NPAS3: variants seen among roughly 807,000 people sequenced by gnomAD.
NPAS3 encodes neuronal PAS domain protein 3, also known as neuronal PAS domain-containing protein 3.
A neutral mutation model predicts 73.1 loss-of-function variants in NPAS3; 14 were observed. The ratio of observed to expected loss-of-function variants is 0.19; its 90% CI spans 0.13 to 0.30. NPAS3 has a LOEUF of 0.30. Among genes scored for constraint, NPAS3 ranks in the 10% least tolerant of loss-of-function variants. NPAS3 has a pLI of 1.00. For synonymous variants in NPAS3, 620 were observed against 541.5 expected (o/e 1.14, Z -2.01); for missense variants, 1,096 against 1,250.0 (o/e 0.88, Z 1.86).
intron 3 of NPAS3, among the ~76,000 whole-genome samples, chr14:33,308,316 C>G (rs1389105197): frequency 6.6e-6 from 1 of 151,868 alleles, no homozygotes; most frequent in African/African-American, 2.4e-5. Context: ...AAACCAAACA[C>G]TTTTTGGTCT....
chr14:33,506,363 T>C (rs1318517476), intron 4 of NPAS3, among the ~76,000 whole-genome samples: 1 of 139,732 alleles, frequency 7.2e-6, no homozygotes, highest in African/African-American at 2.6e-5. Flanking sequence ...TATATGACTT[T>C]CTGCAATTTG....
intron 2 of NPAS3, among the ~76,000 whole-genome samples, chr14:33,067,921 T>G (rs2041335911): frequency 6.6e-6 from 1 of 152,240 alleles, no homozygotes; most frequent in Non-Finnish European, 1.5e-5. Flanking sequence ...CTCTCTTGTC[T>G]CAAATATTCT....
At position 33,271,694 on chromosome 14, in the gene NPAS3, C is replaced by T. The variant is rs190230765; in HGVS notation, c.385+56268C>T. ...CTCCCTGGTTTGCTTGCTCTACCAT[C>T]TGGTTCCACACTTACTAGAGCAGTA... is the stretch of plus-strand genomic sequence containing the variant. On this transcript the variant is annotated intron_variant, in intron 3 of 11. Transcript: ENST00000356141. Among the ~76,000 whole-genome samples the T allele has an allele frequency of 1.3e-3, 193 of 152,270 alleles. 3 individuals are homozygous for T. The highest frequency in any genetic ancestry group is 4.4e-3 in the African/African-American group (183 of 41,568).
chr14:33,131,576 A>G (rs2043635754), intron 2 of NPAS3, among the ~76,000 whole-genome samples: 2 of 152,194 alleles, frequency 1.3e-5, no homozygotes, highest in Admixed American at 6.6e-5. Flanking sequence ...ATTTGTAGAG[A>G]GAAACAGCTA....
At chr14:33,176,201 A>C (rs1566641640) in intron 2 of NPAS3, among the ~76,000 whole-genome samples, 1 of 152,202 alleles carries the variant, frequency 6.6e-6, no homozygotes, top group Admixed American at 6.5e-5. Flanking sequence ...GTTTTCAAAA[A>C]ATAATTTTTA....
intron 3 of NPAS3, among the ~76,000 whole-genome samples, chr14:33,260,352 C>CTT (rs200342123): frequency 4.8e-5 from 7 of 145,852 alleles, no homozygotes; most frequent in Admixed American, 2.8e-4. Flanking sequence ...TTTTCCTTTC[C>CTT]TTTTTTTTTT....
intron 1 of NPAS3, among the ~76,000 whole-genome samples, chr14:33,016,353 A>G (rs926935757): frequency 1.3e-5 from 2 of 152,140 alleles, no homozygotes; most frequent in African/African-American, 4.8e-5. Context: ...AAATTCCATG[A>G]CTTAAGACTG....
intron 2 of NPAS3, among the ~76,000 whole-genome samples, chr14:33,113,437 A>G (rs1275194642): frequency 6.6e-6 from 1 of 152,126 alleles, no homozygotes; most frequent in Non-Finnish European, 1.5e-5. Context: ...GCAATTGTGA[A>G]TGGGAGTCAC....
chr14:33,452,774 C>A (rs372949097), intron 4 of NPAS3, among the ~76,000 whole-genome samples: 131 of 53,818 alleles, frequency 2.4e-3, no homozygotes, highest in Non-Finnish European at 3.1e-3. Context: ...GACTCTGTCT[C>A]AAAAAAAAAA....
At chr14:33,088,182 C>A (rs1356444849) in intron 2 of NPAS3, among the ~76,000 whole-genome samples, 3 of 152,196 alleles carry the variant, frequency 2.0e-5, no homozygotes, top group Admixed American at 1.3e-4. Context: ...GCTTGTCAGA[C>A]AGTGGGTGCA....
intron 4 of NPAS3, among the ~76,000 whole-genome samples, chr14:33,374,398 C>A (rs1329984692): frequency 1.3e-5 from 2 of 152,048 alleles, no homozygotes; most frequent in East Asian, 3.9e-4. Context: ...ATCCTAGAAT[C>A]ATGATTAGTT....
intron 6 of NPAS3, among the ~76,000 whole-genome samples, chr14:33,722,258 T>C (rs2061134314): frequency 6.6e-6 from 1 of 152,160 alleles, no homozygotes; most frequent in African/African-American, 2.4e-5. Flanking sequence ...AAATAATTAA[T>C]ATCAACAAAT....
chr14:33,303,843 A>G (rs1257921970), intron 3 of NPAS3, among the ~76,000 whole-genome samples: 1 of 152,220 alleles, frequency 6.6e-6, no homozygotes, highest in Non-Finnish European at 1.5e-5. Context: ...TTGTGGTTTG[A>G]TTGTTGGTGG....
rs575107172 is a variant in NPAS3, at chr14:33,491,229, G to A, written c.469-68892G>A. Among the ~76,000 whole-genome samples the A allele has an allele frequency of 2.6e-5, 4 of 152,072 alleles. No homozygotes were observed. In the East Asian group the frequency reaches 7.8e-4, roughly 29 times the overall value. On this transcript the variant is annotated intron_variant, in intron 4 of 11. Transcript: ENST00000356141. ...TCCTTTTGCTGCATTTCTTATGAGA[G>A]ATGAACATTTAAAGTTTTTTTTTTT... is the stretch of plus-strand genomic sequence containing the variant.
chr14:33,640,166 G>A (rs545584824), intron 5 of NPAS3, among the ~76,000 whole-genome samples: 7 of 151,864 alleles, frequency 4.6e-5, no homozygotes, highest in Middle Eastern at 3.4e-3. Flanking sequence ...GCAGTGAGCC[G>A]AGATCGCGAC....
chr14:33,226,624 C>G (rs144836448), intron 3 of NPAS3, among the ~76,000 whole-genome samples: 1 of 152,092 alleles, frequency 6.6e-6, no homozygotes, highest in Admixed American at 6.6e-5. Flanking sequence ...AATACAGTTG[C>G]TAGGAAATAG....
chr14:33,533,146 A>G (rs1043780172), intron 4 of NPAS3, among the ~76,000 whole-genome samples: 3 of 152,168 alleles, frequency 2.0e-5, no homozygotes, highest in Non-Finnish European at 2.9e-5. Flanking sequence ...AGGTATTATA[A>G]AAGACTGGCA....
chr14:33,204,787 A>G (rs2046762199), intron 2 of NPAS3, among the ~76,000 whole-genome samples: 1 of 152,140 alleles, frequency 6.6e-6, no homozygotes, highest in Non-Finnish European at 1.5e-5. Context: ...AGGGATGAAG[A>G]CTTCTCCCAG....
chr14:32,965,992 A>G (rs919431225), intron 1 of NPAS3, among the ~76,000 whole-genome samples: 2 of 152,206 alleles, frequency 1.3e-5, no homozygotes, highest in Non-Finnish European at 2.9e-5. Flanking sequence ...AAATATAACT[A>G]AGGAAGTGAA....
Sources: gnomAD v4.1 joint callset for allele counts (sites outside exome capture counted in the v4.1 genomes callset) on GRCh38, gnomAD v4.1.1 for gene constraint, MANE v1.5 for transcripts, NCBI Gene and HGNC (gene_info 2026-07-23, HGNC 2026-07-21) for gene names.